TMCO4: variants seen among roughly 807,000 people sequenced by gnomAD.
The protein encoded by TMCO4 is transmembrane and coiled-coil domain-containing protein 4.
TMCO4 carries 58 observed loss-of-function variants against 64.7 expected under a neutral mutation model. The observed-to-expected ratio is 0.90, with a 90% CI of 0.73 to 1.12. The LOEUF (loss-of-function observed/expected upper bound fraction) is 1.12, where lower values mean the gene tolerates loss of function less well. Among genes scored for constraint, TMCO4 ranks in the 50% most tolerant of loss-of-function variants. TMCO4 has a pLI of 0.00. For missense variants in TMCO4, 780 were observed against 825.9 expected (o/e 0.94, Z 0.68); for synonymous variants, 325 against 346.1 (o/e 0.94, Z 0.68).
chr1:19,755,905 A>G, intron 6 of TMCO4, 139 bp from the exon 7 acceptor site: 1 of 978,430 alleles, frequency 1.0e-6, no homozygotes, highest in Non-Finnish European at 1.5e-6. Context: ...GAAAAAAATG[A>G]CACAGTTGCC....
chr1:19,774,724 G>A (rs147881648), intron 4 of TMCO4, among the ~76,000 whole-genome samples: 505 of 152,288 alleles, frequency 3.3e-3, no homozygotes, highest in African/African-American at 0.011. Context: ...GCAACTGTCC[G>A]TCAGTCCCTG....
intron 4 of TMCO4, among the ~76,000 whole-genome samples, chr1:19,776,947 A>C (rs1240679013): frequency 6.7e-6 from 1 of 149,504 alleles, no homozygotes; most frequent in Non-Finnish European, 1.5e-5. Flanking sequence ...GAATTGCTTG[A>C]ATCCAGGAGG....
chr1:19,697,321 G>A (rs1421521675), intron 14 of TMCO4, among the ~76,000 whole-genome samples: 6 of 152,182 alleles, frequency 3.9e-5, no homozygotes, highest in South Asian at 2.1e-4. Flanking sequence ...GCAGTGGCAC[G>A]ATCTTGGCTC....
chr1:19,724,474 T>C (rs1439535319), intron 13 of TMCO4, among the ~76,000 whole-genome samples: 1 of 152,192 alleles, frequency 6.6e-6, no homozygotes, highest in Non-Finnish European at 1.5e-5. Context: ...AATCTCCTTA[T>C]AGGCAAAATG....
At chr1:19,694,305 A>T (rs566862153) in intron 15 of TMCO4, 129 bp downstream of exon 15, 3 of 787,706 alleles carry the variant, frequency 3.8e-6, no homozygotes, top group East Asian at 2.7e-5. Flanking sequence ...CCTGGCTCCA[A>T]ATAAATTCTT....
At chr1:19,691,604 T>C (rs1044624596) in intron 15 of TMCO4, among the ~76,000 whole-genome samples, 5 of 152,096 alleles carry the variant, frequency 3.3e-5, no homozygotes, top group African/African-American at 4.8e-5. Context: ...GATGCAGTGG[T>C]GGAGTGATCA....
At chr1:19,691,452 T>G (rs1377907182) in intron 15 of TMCO4, among the ~76,000 whole-genome samples, 1 of 152,182 alleles carries the variant, frequency 6.6e-6, no homozygotes, top group Non-Finnish European at 1.5e-5. Context: ...CAGCACCTGG[T>G]GAAGTTTTGA....
At chr1:19,756,245 T>C (rs1557576034) in intron 6 of TMCO4, among the ~76,000 whole-genome samples, 2 of 151,966 alleles carry the variant, frequency 1.3e-5, no homozygotes, top group South Asian at 4.1e-4. Flanking sequence ...TGAGACCCTG[T>C]CTCAAAAAAG....
chr1:19,759,203 T>C (rs1438627364), intron 6 of TMCO4, among the ~76,000 whole-genome samples: 2 of 150,842 alleles, frequency 1.3e-5, no homozygotes, highest in African/African-American at 4.9e-5. Context: ...TGTCCCGACA[T>C]GTAACCCAAC....
Position 19,737,394 on chromosome 1 carries a change from C to A in TMCO4, c.1242G>T (p.Leu414=), listed in dbSNP as rs914024851. The A allele has an allele frequency of 3.7e-6, 6 of 1,613,724 alleles. No individual in the cohort carries two copies. Among genetic ancestry groups the A allele is most frequent in the Non-Finnish European group, 4.2e-6 (5 of 1,179,806 alleles). Residue 414 remains leucine (L), a synonymous_variant, in exon 13 of 16, where the codon CTG becomes CTT. Coordinates refer to ENST00000294543, the MANE Select transcript of TMCO4 (RefSeq NM_181719.7). ...CACCTTTCTCTTGAGCCATCTCCTG[C>A]AGACAGAAGTAGATGACTCTGGCTC... ...SLGARVIYFC[L]QEMAQEKDCQ... is the part of the protein sequence containing the mutation.
chr1:19,768,175 C>T (rs1396950607), intron 6 of TMCO4, among the ~76,000 whole-genome samples: 6 of 152,120 alleles, frequency 3.9e-5, no homozygotes, highest in African/African-American at 1.4e-4. Context: ...GGGCAATGGC[C>T]TTAACCACCT....
intron 2 of TMCO4, among the ~76,000 whole-genome samples, chr1:19,796,502 C>T (rs74058662): frequency 1.3e-5 from 2 of 152,064 alleles, no homozygotes; most frequent in Admixed American, 6.6e-5. Flanking sequence ...TTAATATTTT[C>T]GTTATTCATA....
chr1:19,798,628 T>A (rs536824896), intron 1 of TMCO4, among the ~76,000 whole-genome samples: 3 of 152,326 alleles, frequency 2.0e-5, no homozygotes, highest in Admixed American at 1.3e-4. Flanking sequence ...CTCTGTCTGA[T>A]GCTGCACACG....
At chr1:19,724,454 C>G (rs888679187) in intron 13 of TMCO4, among the ~76,000 whole-genome samples, 2 of 152,164 alleles carry the variant, frequency 1.3e-5, no homozygotes, top group African/African-American at 4.8e-5. Flanking sequence ...TGGACACAGT[C>G]CCTGCCATCA....
chr1:19,701,182 A>G, intron 13 of TMCO4: 1 of 166,734 alleles, frequency 6.0e-6, no homozygotes, highest in South Asian at 1.8e-4. Flanking sequence ...TTAATTATTT[A>G]TTTTTTGAGG....
At chr1:19,735,960 T>A (rs1017068067) in intron 13 of TMCO4, among the ~76,000 whole-genome samples, 1 of 152,148 alleles carries the variant, frequency 6.6e-6, no homozygotes, top group African/African-American at 2.4e-5. Flanking sequence ...GGAGTCTGCA[T>A]TGGCCGACAA....
At chr1:19,792,765 A>ATTTT (rs71579823) in intron 2 of TMCO4, among the ~76,000 whole-genome samples, 1,598 of 89,556 alleles carry the variant, frequency 0.018, 118 homozygotes, top group African/African-American at 0.031. Context: ...GTCAAGGTCA[A>ATTTT]TTTTTTTTTT....
chr1:19,747,810 T>C (rs1388806686), intron 7 of TMCO4, among the ~76,000 whole-genome samples: 1 of 152,210 alleles, frequency 6.6e-6, no homozygotes, highest in East Asian at 1.9e-4. Context: ...TTAGAGTGAA[T>C]TGGGGTCAGG....
At chr1:19,689,426 C>T (rs185465899) in intron 15 of TMCO4, among the ~76,000 whole-genome samples, 2 of 152,254 alleles carry the variant, frequency 1.3e-5, no homozygotes, top group East Asian at 1.9e-4. Context: ...AGGGGCAGGC[C>T]GGGAGGGACT....
Sources: gnomAD v4.1 joint callset for allele counts (sites outside exome capture counted in the v4.1 genomes callset) on GRCh38, gnomAD v4.1.1 for gene constraint, MANE v1.5 for transcripts, NCBI Gene and HGNC (gene_info 2026-07-23, HGNC 2026-07-21) for gene names.